Variants in TAFA2 observed in about 807,000 individuals in gnomAD.
The protein encoded by TAFA2 is TAFA chemokine like family member 2, also known as chemokine-like protein TAFA-2.
TAFA2 carries 7 observed loss-of-function variants against 18.8 expected under a neutral mutation model. The ratio of observed to expected loss-of-function variants is 0.37; its 90% CI spans 0.21 to 0.70. The LOEUF is 0.70. Among genes scored for constraint, TAFA2 ranks in the 30% least tolerant of loss-of-function variants. The pLI is 0.53. For missense variants in TAFA2, 122 were observed against 158.1 expected (o/e 0.77, Z 1.23); for synonymous variants, 60 against 54.2 (o/e 1.11, Z -0.47).
chr12:62,011,807 T>C (rs1880780407), intron 1 of TAFA2, among the ~76,000 whole-genome samples: 1 of 151,646 alleles, frequency 6.6e-6, no homozygotes, highest in Non-Finnish European at 1.5e-5. Flanking sequence ...AGTGGGCTTG[T>C]ATAAGACAGA....
chr12:62,048,953 A>T (rs917275415), intron 1 of TAFA2, among the ~76,000 whole-genome samples: 1 of 152,228 alleles, frequency 6.6e-6, no homozygotes, highest in African/African-American at 2.4e-5. Flanking sequence ...GAGCCACACT[A>T]AGAGGCAGAC....
At chr12:61,858,476 A>G (rs11174202) in intron 2 of TAFA2, among the ~76,000 whole-genome samples, 74,834 of 151,758 alleles carry the variant, frequency 0.49, 18,668 homozygotes, top group African/African-American at 0.57. Flanking sequence ...TCTAGGGTAC[A>G]TGTGTGTGGC....
chr12:62,139,072 C>T (rs970128719), intron 1 of TAFA2, among the ~76,000 whole-genome samples: 2 of 151,944 alleles, frequency 1.3e-5, no homozygotes, highest in East Asian at 1.9e-4. Flanking sequence ...TGCTTGGGGG[C>T]GGGGGAGAGG....
At chr12:61,986,889 C>T (rs1251745839) in intron 1 of TAFA2, among the ~76,000 whole-genome samples, 1 of 152,076 alleles carries the variant, frequency 6.6e-6, no homozygotes, top group East Asian at 1.9e-4. Flanking sequence ...GGGGAGAAGA[C>T]AAGTAGACCG....
intron 2 of TAFA2, among the ~76,000 whole-genome samples, chr12:61,762,297 G>A (rs1161049785): frequency 6.6e-6 from 1 of 152,030 alleles, no homozygotes; most frequent in African/African-American, 2.4e-5. Flanking sequence ...AATGCAGTAA[G>A]TGTATCACTG....
chr12:62,055,333 C>T (rs908884336), intron 1 of TAFA2, among the ~76,000 whole-genome samples: 5 of 152,164 alleles, frequency 3.3e-5, no homozygotes, highest in African/African-American at 1.2e-4. Flanking sequence ...AGCCCATATA[C>T]TTCAGAATAC....
At chr12:61,916,957 C>T (rs978596207) in intron 1 of TAFA2, among the ~76,000 whole-genome samples, 29 of 152,186 alleles carry the variant, frequency 1.9e-4, no homozygotes, top group South Asian at 6.2e-4. Flanking sequence ...GATAAGTTCA[C>T]TCACATCATT....
At chr12:61,977,712 C>G (rs1879486692) in intron 1 of TAFA2, among the ~76,000 whole-genome samples, 1 of 152,064 alleles carries the variant, frequency 6.6e-6, no homozygotes, top group Non-Finnish European at 1.5e-5. Flanking sequence ...TTCTACAGGT[C>G]TTTGTAGCTT....
At chr12:61,752,402 G>T (rs905921575) in intron 4 of TAFA2, among the ~76,000 whole-genome samples, 15 of 151,952 alleles carry the variant, frequency 9.9e-5, no homozygotes, top group Non-Finnish European at 1.9e-4. Flanking sequence ...AATTAATAGT[G>T]CTAGGGAAAA....
intron 1 of TAFA2, among the ~76,000 whole-genome samples, chr12:61,944,855 C>A: frequency 1.3e-5 from 1 of 75,190 alleles, no homozygotes; most frequent in African/African-American, 5.6e-5. Context: ...GATGGATTCA[C>A]AGCCGAATTC....
chr12:62,028,189 T>C (rs1478799914), intron 1 of TAFA2, among the ~76,000 whole-genome samples: 2 of 152,180 alleles, frequency 1.3e-5, no homozygotes, highest in Admixed American at 6.5e-5. Flanking sequence ...TCAAGGAATG[T>C]ATCCAAAGGC....
intron 1 of TAFA2, among the ~76,000 whole-genome samples, chr12:61,891,032 G>C (rs1875608593): frequency 6.6e-6 from 1 of 152,156 alleles, no homozygotes; most frequent in South Asian, 2.1e-4. Context: ...TATGTTTTGA[G>C]TACCTACTGT....
chr12:62,049,094 G>A (rs977821701), intron 1 of TAFA2, among the ~76,000 whole-genome samples: 1 of 152,306 alleles, frequency 6.6e-6, no homozygotes, highest in South Asian at 2.1e-4. Flanking sequence ...ATTAGGTGGA[G>A]TACAACCTCC....
chr12:62,085,457 T>C lies in TAFA2; in HGVS notation c.-2+105802A>G, dbSNP rs149356144. ...AGAAAATTGTCCTGGAGGTAACCAA[T>C]ATTAATTAAATTAATTAATTAATTC... On this transcript the variant is annotated intron_variant, in intron 1 of 4. Coordinates refer to ENST00000416284, the MANE Select transcript of TAFA2 (RefSeq NM_178539.5). 1.1e-3 allele frequency among the ~76,000 whole-genome samples: 173 copies of C among 152,276 alleles called. 1 individual carries two copies. Among genetic ancestry groups the C allele is most frequent in the East Asian group, 6.6e-3 (34 of 5,176 alleles).
chr12:61,954,050 AC>A (rs1424699805), intron 1 of TAFA2, among the ~76,000 whole-genome samples: 6 of 152,108 alleles, frequency 3.9e-5, no homozygotes, highest in Non-Finnish European at 5.9e-5. Flanking sequence ...TGAAGTCTGG[AC>A]TTTTAGTGTA....
intron 1 of TAFA2, among the ~76,000 whole-genome samples, chr12:62,145,267 C>A (rs2062272023): frequency 6.6e-6 from 1 of 152,216 alleles, no homozygotes; most frequent in South Asian, 2.1e-4. Context: ...GAGCGGTAGT[C>A]CAGAGAGCAG....
At chr12:61,905,449 A>T (rs887352470) in intron 1 of TAFA2, among the ~76,000 whole-genome samples, 3 of 152,234 alleles carry the variant, frequency 2.0e-5, no homozygotes, top group Non-Finnish European at 4.4e-5. Context: ...CAAATTAAAT[A>T]AAATAAATTA....
chr12:61,812,441 T>C (rs1871910307), intron 2 of TAFA2, among the ~76,000 whole-genome samples: 1 of 151,388 alleles, frequency 6.6e-6, no homozygotes, highest in Non-Finnish European at 1.5e-5. Context: ...GTGTCTGAGA[T>C]TCATCATTGA....
intron 1 of TAFA2, among the ~76,000 whole-genome samples, chr12:62,019,194 T>G (rs2136725782): frequency 6.6e-6 from 1 of 152,116 alleles, no homozygotes. Context: ...GGAGAGGATG[T>G]GGAGAAATAG....
Sources: gnomAD v4.1 joint callset for allele counts (sites outside exome capture counted in the v4.1 genomes callset) on GRCh38, gnomAD v4.1.1 for gene constraint, MANE v1.5 for transcripts, NCBI Gene and HGNC (gene_info 2026-07-23, HGNC 2026-07-21) for gene names.